TRMT9B: variants seen among roughly 807,000 people sequenced by gnomAD.
TRMT9B encodes the protein probable tRNA methyltransferase 9B.
In TRMT9B, 16 loss-of-function variants were observed where a neutral mutation model predicts 11.5. The observed-to-expected ratio is 1.39, with a 90% CI of 0.94 to 2.11. TRMT9B has a LOEUF of 2.11. TRMT9B is among the 30% of genes most tolerant of loss of function. The pLI, the probability that TRMT9B is intolerant of heterozygous loss-of-function variation, is 0.00. For synonymous variants in TRMT9B, 274 were observed against 192.4 expected (o/e 1.42, Z -3.51); for missense variants, 941 against 553.8 (o/e 1.70, Z -7.02).
chr8:13,009,549 T>C (rs1811193807), intron 3 of TRMT9B, among the ~76,000 whole-genome samples: 1 of 152,208 alleles, frequency 6.6e-6, no homozygotes, highest in South Asian at 2.1e-4. Context: ...TGTTAGCTTC[T>C]TGTATGATCT....
chr8:12,947,264 A>G (rs1304982158), intron 1 of TRMT9B, among the ~76,000 whole-genome samples: 1 of 152,122 alleles, frequency 6.6e-6, no homozygotes, highest in East Asian at 1.9e-4. Context: ...ACACCTCACA[A>G]TTTCTTCCTG....
At chr8:12,960,087 C>G (rs561031591) in intron 1 of TRMT9B, 4 of 152,280 alleles carry the variant, frequency 2.6e-5, no homozygotes, top group African/African-American at 9.6e-5. Context: ...AACACAATTT[C>G]CACTGGAGCT....
At chr8:12,984,135 A>C (rs1348897333) in intron 1 of TRMT9B, among the ~76,000 whole-genome samples, 2 of 152,334 alleles carry the variant, frequency 1.3e-5, no homozygotes, top group Non-Finnish European at 1.5e-5. Flanking sequence ...GCCCAAAATT[A>C]TTAAAAATGT....
chr8:13,021,088 C>G lies in TRMT9B; in HGVS notation c.409C>G (p.Leu137Val). The G allele has an allele frequency of 6.2e-7, 1 of 1,608,834 alleles. No homozygotes were observed. Among genetic ancestry groups the G allele is most frequent in the Non-Finnish European group, 8.5e-7 (1 of 1,177,098 alleles). Residue 137 changes from leucine (L) to valine (V), a missense_variant, in exon 5 of 5, where the codon CTG (leucine) becomes GTG (valine). Coordinates refer to ENST00000524591, the MANE Select transcript of TRMT9B (RefSeq NM_020844.3). ...CAGGGTCTTAGTTCCCGGAGGCCAACTGATGATTTACGTTTGGGCAATGGA... is the reference window on the plus strand; with the variant it reads ...CAGGGTCTTAGTTCCCGGAGGCCAAGTGATGATTTACGTTTGGGCAATGGA... Reference protein sequence around the residue: ...MARVLVPGGQLMIYVWAMEQK... With the variant: ...MARVLVPGGQVMIYVWAMEQK...
At position 13,022,242 on chromosome 8, in the gene TRMT9B, G is replaced by A. The variant is rs908544887; in HGVS notation, c.*198G>A. 5.9e-6 allele frequency: 3 copies of A among 509,728 alleles called. No individual in the cohort carries two copies. Among genetic ancestry groups the A allele is most frequent in the Non-Finnish European group, 1.1e-5 (3 of 283,900 alleles). The allele number at this position is 509,728 out of a possible 1,614,324, so 31.6% of individuals were successfully genotyped here. ...CTGGCATTGAAAGCACTTGACAAAG[G>A]GTATTTGTGCTTAAATGTTAATATA... On this transcript the variant is annotated 3_prime_UTR_variant, in exon 5 of 5. Transcript: ENST00000524591.
chr8:12,986,969 G>A (rs1585215773), intron 1 of TRMT9B, among the ~76,000 whole-genome samples: 6 of 152,152 alleles, frequency 3.9e-5, no homozygotes, highest in Admixed American at 3.3e-4. Context: ...ATCAACTTTT[G>A]TCATTCTTCT....
chr8:12,972,275 T>A (rs1803752398), intron 1 of TRMT9B, among the ~76,000 whole-genome samples: 1 of 152,138 alleles, frequency 6.6e-6, no homozygotes. Context: ...TCCCCAGAGC[T>A]GGGACCCAGA....
chr8:12,953,812 A>T (rs1800952297), intron 1 of TRMT9B, among the ~76,000 whole-genome samples: 1 of 152,156 alleles, frequency 6.6e-6, no homozygotes, highest in Non-Finnish European at 1.5e-5. Flanking sequence ...GGTTACCTAT[A>T]ACTTATTTAA....
chr8:13,006,487 G>A lies in TRMT9B; in HGVS notation c.154+131G>A, dbSNP rs894276118. 29 of 1,524,746 alleles carry A rather than the reference G, an allele frequency of 1.9e-5. No homozygotes were observed. In the African/African-American group the frequency reaches 3.5e-4, roughly 18 times the overall value. The allele number at this position is 1,524,746 out of a possible 1,614,324, so 94.5% of individuals were successfully genotyped here. A position where few individuals can be genotyped will look rare whatever the true frequency, so the allele number is the denominator to read the frequency against. ...TGCTGTCATAGGTAACCCAGCACTGGGCCGTGTAGCATGAAATACCTTCCA... is the reference window on the plus strand; with the variant it reads ...TGCTGTCATAGGTAACCCAGCACTGAGCCGTGTAGCATGAAATACCTTCCA... On this transcript the variant is annotated intron_variant, in intron 3 of 4. Coordinates refer to ENST00000524591, the MANE Select transcript of TRMT9B (RefSeq NM_020844.3).
intron 3 of TRMT9B, among the ~76,000 whole-genome samples, chr8:13,008,784 A>G (rs982720558): frequency 6.6e-5 from 10 of 152,126 alleles, no homozygotes; most frequent in Admixed American, 3.3e-4. Context: ...GCTGGAGTGC[A>G]GGGGCGCCAT....
chr8:12,990,908 C>CAA lies in TRMT9B; in HGVS notation c.-124_-123dup, dbSNP rs781312981. On this transcript the variant is annotated 5_prime_UTR_variant, in exon 2 of 5. An upstream open reading frame in the 5' UTR gains an earlier in-frame stop. Transcript: ENST00000524591. ...ACCGCACTATTTCATTTCACTCCTACAAGTTTTCATTTACGTTACACATTG... is the reference window on the plus strand; with the variant it reads ...ACCGCACTATTTCATTTCACTCCTACAAAAGTTTTCATTTACGTTACACATTG... 5 of 1,289,464 alleles carry CAA rather than the reference C, an allele frequency of 3.9e-6. No homozygotes were observed. The South Asian group carries it at 6.2e-5, about 16-fold the overall frequency. 79.9% of individuals were successfully genotyped at this position (1,289,464 alleles called of 1,614,324 possible). A position where few individuals can be genotyped will look rare whatever the true frequency, so the allele number is the denominator to read the frequency against.
chr8:12,974,131 G>A (rs1010679362), intron 1 of TRMT9B, among the ~76,000 whole-genome samples: 12 of 152,130 alleles, frequency 7.9e-5, no homozygotes, highest in East Asian at 5.8e-4. Flanking sequence ...AGATCGCACC[G>A]ATGCTCTCCA....
intron 1 of TRMT9B, among the ~76,000 whole-genome samples, chr8:12,989,751 A>T (rs1011755768): frequency 6.6e-6 from 1 of 152,224 alleles, no homozygotes; most frequent in Non-Finnish European, 1.5e-5. Flanking sequence ...AGCAAACATC[A>T]TCTCTCTTAT....
chr8:12,954,567 G>A (rs189571104), intron 1 of TRMT9B, among the ~76,000 whole-genome samples: 3 of 152,318 alleles, frequency 2.0e-5, no homozygotes, highest in South Asian at 2.1e-4. Flanking sequence ...GGCTGTCAGC[G>A]CTTGTCTGTG....
chr8:12,986,250 T>A (rs1193234045), intron 1 of TRMT9B, among the ~76,000 whole-genome samples: 2 of 152,066 alleles, frequency 1.3e-5, no homozygotes, highest in African/African-American at 4.8e-5. Context: ...TATGCCCAAG[T>A]CTAAAACCTA....
chr8:12,985,314 G>A (rs1280867642), intron 1 of TRMT9B, among the ~76,000 whole-genome samples: 3 of 152,134 alleles, frequency 2.0e-5, no homozygotes, highest in Non-Finnish European at 4.4e-5. Flanking sequence ...ATTTCAAGGA[G>A]AGATGCCAGC....
chr8:12,958,752 T>A (rs1260305680), intron 1 of TRMT9B: 1 of 152,164 alleles, frequency 6.6e-6, no homozygotes, highest in African/African-American at 2.4e-5. Flanking sequence ...CACCATGGAA[T>A]ACTATGCAGC....
chr8:13,009,337 GA>G (rs372845847), intron 3 of TRMT9B, among the ~76,000 whole-genome samples: 2,166 of 149,108 alleles, frequency 0.015, 57 homozygotes, highest in African/African-American at 0.05. Context: ...AAATTCAAAG[GA>G]AAAAAAAAGG....
chr8:13,006,587 C>G (rs1810522886), intron 3 of TRMT9B: 1 of 1,419,394 alleles, frequency 7.0e-7, no homozygotes, highest in Admixed American at 2.9e-5. Flanking sequence ...CTTGGCATGC[C>G]AGTACCTAGA....
Sources: gnomAD v4.1 joint callset for allele counts (sites outside exome capture counted in the v4.1 genomes callset) on GRCh38, gnomAD v4.1.1 for gene constraint, MANE v1.5 for transcripts, NCBI Gene and HGNC (gene_info 2026-07-23, HGNC 2026-07-21) for gene names.